EPB41L4A: variants seen among roughly 807,000 people sequenced by gnomAD.
EPB41L4A encodes erythrocyte membrane protein band 4.1 like 4A, also known as band 4.1-like protein 4A.
In EPB41L4A, 100 loss-of-function variants were observed where a neutral mutation model predicts 108.6. That is an observed-to-expected ratio of 0.92 (90% confidence interval 0.78 to 1.09). EPB41L4A has a LOEUF of 1.09. EPB41L4A is among the 50% of genes least tolerant of loss of function. The probability of loss-of-function intolerance (pLI) is 0.00; values close to 1 mark genes in which losing one functional copy is unlikely to be tolerated. For synonymous variants in EPB41L4A, 319 were observed against 289.0 expected, an observed-to-expected ratio of 1.10 and a Z score of -1.05; for missense variants, 1,030 against 842.7, an observed-to-expected ratio of 1.22 and a Z score of -2.75.
At chr5:112,188,441 C>CA (rs1761530180) in intron 17 of EPB41L4A, among the ~76,000 whole-genome samples, 1 of 152,172 alleles carries the variant, frequency 6.6e-6, no homozygotes, top group Non-Finnish European at 1.5e-5. Context: ...ATTTCCCTTT[C>CA]AAACTCTCCT....
rs370188709 is a variant in EPB41L4A, at chr5:112,320,962, T to A, written c.100-13472A>T. Among the ~76,000 whole-genome samples, 10 of 152,310 alleles carry A rather than the reference T, an allele frequency of 6.6e-5. No homozygotes were observed. In the East Asian group the frequency reaches 1.7e-3, roughly 26 times the overall value. ...TGTGTCTGAGTTGGCGCCCCCACTG[T>A]GAGGGGCCAAAAGTAAATGACTTCA... On this transcript the variant is annotated intron_variant, in intron 1 of 22. Transcript: ENST00000261486.
intron 2 of EPB41L4A, among the ~76,000 whole-genome samples, chr5:112,292,157 C>G (rs1753683601): frequency 6.6e-6 from 1 of 152,210 alleles, no homozygotes; most frequent in African/African-American, 2.4e-5. Flanking sequence ...GACCTTGGCT[C>G]TTACTCACCA....
At chr5:112,310,789 T>C (rs1485390151) in intron 1 of EPB41L4A, among the ~76,000 whole-genome samples, 3 of 152,034 alleles carry the variant, frequency 2.0e-5, no homozygotes, top group Non-Finnish European at 2.9e-5. Flanking sequence ...CCTATTTGAG[T>C]CTTGGTGGAG....
chr5:112,363,861 A>T (rs539041710), intron 1 of EPB41L4A, among the ~76,000 whole-genome samples: 1 of 152,360 alleles, frequency 6.6e-6, no homozygotes, highest in South Asian at 2.1e-4. Context: ...ACTCACTTAA[A>T]CACTGAAACC....
At chr5:112,348,833 A>T (rs1757853213) in intron 1 of EPB41L4A, among the ~76,000 whole-genome samples, 1 of 152,222 alleles carries the variant, frequency 6.6e-6, no homozygotes, top group Non-Finnish European at 1.5e-5. Flanking sequence ...ACTAGAGCCC[A>T]TCCCATTCAA....
intron 1 of EPB41L4A, among the ~76,000 whole-genome samples, chr5:112,401,812 C>T (rs980062562): frequency 6.6e-6 from 1 of 152,170 alleles, no homozygotes; most frequent in East Asian, 1.9e-4. Context: ...CCTCAAGATA[C>T]ACTAGTCAGC....
At chr5:112,152,454 G>C (rs544930509) in intron 12 of EPB41L4A, among the ~76,000 whole-genome samples, 4 of 152,202 alleles carry the variant, frequency 2.6e-5, no homozygotes, top group South Asian at 2.1e-4. Flanking sequence ...GGAGCCTTTG[G>C]GTGGTGATTA....
chr5:112,166,856 AT>A, intron 22 of EPB41L4A, among the ~76,000 whole-genome samples: 1 of 152,246 alleles, frequency 6.6e-6, no homozygotes, highest in Admixed American at 6.5e-5. Context: ...AGCAGACTAG[AT>A]TTGGCCCTTA....
intron 2 of EPB41L4A, among the ~76,000 whole-genome samples, chr5:112,298,962 C>A (rs1315310652): frequency 6.6e-6 from 1 of 152,136 alleles, no homozygotes; most frequent in Non-Finnish European, 1.5e-5. Flanking sequence ...CTTGAATGAT[C>A]TTTTGTATTT....
chr5:112,233,536 A>C (rs948274670), intron 12 of EPB41L4A, among the ~76,000 whole-genome samples: 20 of 152,216 alleles, frequency 1.3e-4, no homozygotes, highest in African/African-American at 4.8e-4. Context: ...GATTCTGTAC[A>C]AATGAAGCTC....
At position 112,266,287 on chromosome 5, in the gene EPB41L4A, G is replaced by T; in HGVS notation, c.379C>A (p.Arg127Ser). 3 of 1,610,224 alleles carry T rather than the reference G, an allele frequency of 1.9e-6. No homozygotes were observed. The highest frequency in any genetic ancestry group is 2.5e-6 in the Non-Finnish European group (3 of 1,178,510). Residue 127 changes from arginine to serine, a missense_variant, in exon 5 of 23, where the codon CGT becomes AGT. Coordinates refer to ENST00000261486, the MANE Select transcript of EPB41L4A (RefSeq NM_022140.5). ...LQVKQDVLQG[R>S]LPCPVNTAAQ... ...GCAGTGTTGACGGGACAGGGCAGACGGCCCTGAAGGACATCTTGCTTCACC... is the reference window on the plus strand; with the variant it reads ...GCAGTGTTGACGGGACAGGGCAGACTGCCCTGAAGGACATCTTGCTTCACC...
chr5:112,319,085 C>G (rs1208960691), intron 1 of EPB41L4A, among the ~76,000 whole-genome samples: 2 of 152,142 alleles, frequency 1.3e-5, no homozygotes, highest in South Asian at 4.1e-4. Context: ...TTCTCCACTC[C>G]TTGGAAAACA....
intron 18 of EPB41L4A, among the ~76,000 whole-genome samples, chr5:112,180,818 G>A (rs946970607): frequency 7.2e-5 from 11 of 152,098 alleles, no homozygotes; most frequent in African/African-American, 2.7e-4. Flanking sequence ...ATCTGAAATT[G>A]AACTTTTATC....
At chr5:112,381,165 A>G (rs959711460) in intron 1 of EPB41L4A, among the ~76,000 whole-genome samples, 1 of 152,250 alleles carries the variant, frequency 6.6e-6, no homozygotes, top group Non-Finnish European at 1.5e-5. Context: ...CAACAGAGCC[A>G]GGTAGTTTCC....
chr5:112,217,184 TC>T (rs1325454277), intron 12 of EPB41L4A, among the ~76,000 whole-genome samples: 2 of 152,176 alleles, frequency 1.3e-5, no homozygotes, highest in Non-Finnish European at 2.9e-5. Context: ...CCTCAGGTGA[TC>T]CACCTGCCTC....
chr5:112,403,252 G>A (rs1310764831), intron 1 of EPB41L4A, among the ~76,000 whole-genome samples: 5 of 151,338 alleles, frequency 3.3e-5, no homozygotes, highest in African/African-American at 1.2e-4. Flanking sequence ...ATGGATGAAA[G>A]GCAGTCTAGG....
rs140040009 is a variant in EPB41L4A at position 112,366,548 on chromosome 5, C to T, written c.99+52393G>A. 3.3e-5 allele frequency among the ~76,000 whole-genome samples: 5 copies of T among 152,138 alleles called. No individual in the cohort carries two copies. The East Asian group carries it at 9.7e-4, about 29-fold the overall frequency. ...AGGGAGACCAGTGATTGTGAAAGGG[C>T]CATGTGATAGGAGCCGTGGCCTCTG... On this transcript the variant is annotated intron_variant, in intron 1 of 22. Transcript: ENST00000261486.
At position 112,209,961 on chromosome 5, in the gene EPB41L4A, A is replaced by T; in HGVS notation, c.1109T>A (p.Ile370Lys). ...QPAESNSISRITANMENGENE... is the reference protein window; with the variant it reads ...QPAESNSISRKTANMENGENE... ...TTCTCCATTTTCCATGTTTGCAGTT[A>T]TCCTACTGATGCTGTTTGATTCTAG... The change falls in exon 13 of 23, where the codon ATA (isoleucine) becomes AAA (lysine). Residue 370 changes from isoleucine to lysine, a missense_variant. Coordinates refer to ENST00000261486, the MANE Select transcript of EPB41L4A (RefSeq NM_022140.5). The T allele has an allele frequency of 3.1e-6, 5 of 1,601,688 alleles. No homozygotes were observed. Among genetic ancestry groups the T allele is most frequent in the East Asian group, 2.2e-5 (1 of 44,584 alleles).
chr5:112,232,612 T>C (rs1191083861), intron 12 of EPB41L4A, among the ~76,000 whole-genome samples: 1 of 152,210 alleles, frequency 6.6e-6, no homozygotes, highest in Non-Finnish European at 1.5e-5. Flanking sequence ...AATAAACTCA[T>C]ACACTTTTCT....
Sources: allele counts gnomAD v4.1 joint callset (sites outside exome capture counted in the v4.1 genomes callset), GRCh38; gene constraint gnomAD v4.1.1; transcripts MANE v1.5; gene names NCBI Gene and HGNC (gene_info 2026-07-23, HGNC 2026-07-21).